FLRT1: variants seen among roughly 807,000 people sequenced by gnomAD.
The protein encoded by FLRT1 is fibronectin leucine rich transmembrane protein 1.
FLRT1 carries 14 observed loss-of-function variants against 30.9 expected under a neutral mutation model. That is an observed-to-expected ratio of 0.45 (90% confidence interval 0.30 to 0.71). The LOEUF (loss-of-function observed/expected upper bound fraction) is 0.71. FLRT1 is among the 30% of genes least tolerant of loss of function. The pLI is 0.08. For missense variants in FLRT1, 737 were observed against 949.2 expected, an observed-to-expected ratio of 0.78 and a Z score of 2.94; for synonymous variants, 368 against 430.4, an observed-to-expected ratio of 0.85 and a Z score of 1.80.
Position 64,083,962 on chromosome 11 carries a change from A to G in FLRT1, c.-1037-19232A>G, listed in dbSNP as rs541102465. ...GGCAGCCCGGCGCTGCTGTGGGCTGACATGAAGAGTGTCATTTACACAACT... is the reference window on the plus strand; with the variant it reads ...GGCAGCCCGGCGCTGCTGTGGGCTGGCATGAAGAGTGTCATTTACACAACT... On this transcript the variant is annotated intron_variant, in intron 1 of 2. Transcript: ENST00000682287. Among the ~76,000 whole-genome samples, 34 of 152,216 alleles carry G rather than the reference A, an allele frequency of 2.2e-4. No individual in the cohort carries two copies. The East Asian group carries it at 6.6e-3, about 29-fold the overall frequency.
chr11:64,095,893 G>A (rs1944567384), intron 1 of FLRT1, among the ~76,000 whole-genome samples: 1 of 152,200 alleles, frequency 6.6e-6, no homozygotes. Flanking sequence ...AGCCGAGGGA[G>A]GGAGCTGACT....
chr11:64,040,700 G>A (rs1943468099), intron 1 of FLRT1, among the ~76,000 whole-genome samples: 1 of 152,218 alleles, frequency 6.6e-6, no homozygotes, highest in African/African-American at 2.4e-5. Flanking sequence ...TGGACCGAGA[G>A]CTATTAGTGA....
In FLRT1 at chr11:64,101,860, C is replaced by T. The variant is rs904575128; in HGVS notation, c.-1037-1334C>T. ...CTCTGAAACCTCCTTCTTCCTAGGG[C>T]AGCTTGTCCCAAGAAAACTCCCCCT... On this transcript the variant is annotated intron_variant, in intron 1 of 2. Coordinates refer to ENST00000682287, the MANE Select transcript of FLRT1 (RefSeq NM_013280.5). Among the ~76,000 whole-genome samples the T allele has an allele frequency of 8.5e-5, 13 of 152,188 alleles. No homozygotes were observed. In the East Asian group the frequency reaches 2.1e-3, roughly 25 times the overall value.
chr11:64,117,710 G>T lies in FLRT1; in HGVS notation c.1443G>T (p.Thr481=). Residue 481 remains threonine (T), a synonymous_variant, in exon 3 of 3, where the codon ACG becomes ACT. Transcript: ENST00000682287. ...ACAGCCCAGCCGTGGGCTCCATCAC[G>T]GAGACCTTGGTGCAGGGGGACAAGA... ...LGHSPAVGSI[T]ETLVQGDKTE... is the part of the protein sequence containing the mutation. The T allele has an allele frequency of 6.2e-7, 1 of 1,613,638 alleles. No individual in the cohort carries two copies. The highest frequency in any genetic ancestry group is 8.5e-7 in the Non-Finnish European group (1 of 1,179,914).
chr11:64,116,313 G>T lies in FLRT1; in HGVS notation c.46G>T (p.Ala16Ser). Residue 16 changes from alanine (A) to serine (S), a missense_variant, in exon 3 of 3, where the codon GCC (alanine) becomes TCC (serine). Transcript: ENST00000682287. ...CGCCACTGCCACCACCACGCCCACT[G>T]CCACTGTCACGGCCACCGTTGTGAT... Reference protein sequence around the residue: ...PTATATTTPTATVTATVVMTT... With the variant: ...PTATATTTPTSTVTATVVMTT... The T allele has an allele frequency of 6.2e-7, 1 of 1,608,414 alleles. No homozygotes were observed.
In FLRT1 at chr11:64,118,927, T is replaced by C. The variant is rs1305700815; in HGVS notation, c.*635T>C. 2 of 155,182 alleles carry C rather than the reference T, an allele frequency of 1.3e-5. No individual in the cohort carries two copies. Among genetic ancestry groups the C allele is most frequent in the Admixed American group, 6.8e-5 (1 of 14,616 alleles). 9.6% of individuals were successfully genotyped at this position (155,182 alleles called of 1,614,324 possible). A position where few individuals can be genotyped will look rare whatever the true frequency, so the allele number is the denominator to read the frequency against. ...TTCTTTGAACAATCATGTAGTCGAT[T>C]AAAAAAAAAAAACAAACTTTTTTTT... On this transcript the variant is annotated 3_prime_UTR_variant, in exon 3 of 3. Transcript: ENST00000682287.
intron 1 of FLRT1, among the ~76,000 whole-genome samples, chr11:64,102,250 C>G (rs1024155569): frequency 6.6e-6 from 1 of 152,164 alleles, no homozygotes; most frequent in East Asian, 1.9e-4. Flanking sequence ...TTCCACATGC[C>G]GCACTAATGA....
At chr11:64,110,783 G>C (rs996017947) in intron 2 of FLRT1, among the ~76,000 whole-genome samples, 3 of 152,186 alleles carry the variant, frequency 2.0e-5, no homozygotes, top group Non-Finnish European at 2.9e-5. Flanking sequence ...CGATTTACCA[G>C]GTTTAATTTG....
rs555040498 is a variant in FLRT1, at chr11:64,045,094, C to T, written c.-1038+8935C>T. On this transcript the variant is annotated intron_variant, in intron 1 of 2. Transcript: ENST00000682287. Reference sequence around the variant, plus strand: ...CTGTGCGGGCTGAGGGGGAGCAGTCCGGGTGCATGTGGTGGGTGGCATGTG... The same window carrying T: ...CTGTGCGGGCTGAGGGGGAGCAGTCTGGGTGCATGTGGTGGGTGGCATGTG... 1.2e-4 allele frequency among the ~76,000 whole-genome samples: 19 copies of T among 152,278 alleles called. No homozygotes were observed. The South Asian group carries it at 3.3e-3, about 27-fold the overall frequency.
chr11:64,042,947 G>A (rs970668372), intron 1 of FLRT1, among the ~76,000 whole-genome samples: 1 of 152,226 alleles, frequency 6.6e-6, no homozygotes, highest in African/African-American at 2.4e-5. Context: ...GAGGCACAGA[G>A]TGGAGACACG....
intron 1 of FLRT1, among the ~76,000 whole-genome samples, chr11:64,060,965 G>C (rs1251085591): frequency 3.9e-5 from 6 of 151,940 alleles, no homozygotes; most frequent in African/African-American, 1.2e-4. Flanking sequence ...GGGGCTCCCG[G>C]GCCGCCAGGC....
chr11:64,046,132 AG>A (rs1489740974), intron 1 of FLRT1, among the ~76,000 whole-genome samples: 1 of 152,196 alleles, frequency 6.6e-6, no homozygotes, highest in Non-Finnish European at 1.5e-5. Flanking sequence ...CGGCAGGGGT[AG>A]GATGGGAACC....
chr11:64,095,685 G>A (rs1944563014), intron 1 of FLRT1, among the ~76,000 whole-genome samples: 1 of 152,258 alleles, frequency 6.6e-6, no homozygotes, highest in African/African-American at 2.4e-5. Flanking sequence ...CCAGCTCACA[G>A]CGGAGGTCTG....
At chr11:64,046,135 A>G (rs938009777) in intron 1 of FLRT1, among the ~76,000 whole-genome samples, 1 of 152,136 alleles carries the variant, frequency 6.6e-6, no homozygotes, top group Non-Finnish European at 1.5e-5. Context: ...CAGGGGTAGG[A>G]TGGGAACCCG....
intron 1 of FLRT1, among the ~76,000 whole-genome samples, chr11:64,052,121 G>A (rs1206071644): frequency 4.6e-5 from 7 of 152,038 alleles, no homozygotes; most frequent in African/African-American, 1.7e-4. Flanking sequence ...CCTCCTCCCT[G>A]TAGTGAGAAA....
At chr11:64,080,815 T>C (rs907916443) in intron 1 of FLRT1, among the ~76,000 whole-genome samples, 3 of 152,050 alleles carry the variant, frequency 2.0e-5, no homozygotes, top group Non-Finnish European at 2.9e-5. Flanking sequence ...GGCTCAGTGA[T>C]GGGAGAACTC....
intron 1 of FLRT1, among the ~76,000 whole-genome samples, chr11:64,040,199 G>A (rs540801987): frequency 2.6e-5 from 4 of 152,200 alleles, no homozygotes; most frequent in East Asian, 3.9e-4. Context: ...CCTCTTCCCC[G>A]TGAAGCCTTG....
chr11:64,094,010 G>A (rs958921258), intron 1 of FLRT1, among the ~76,000 whole-genome samples: 1 of 152,226 alleles, frequency 6.6e-6, no homozygotes, highest in African/African-American at 2.4e-5. Context: ...AGCTAAGCAG[G>A]CCAGGGCCGG....
In FLRT1 at chr11:64,094,884, C is replaced by T. The variant is rs566861287; in HGVS notation, c.-1037-8310C>T. ...TTGGGGGGCCCAGGAGTGGATTTCG[C>T]CGAATGTCCCATCTGGGCCTGTGTC... On this transcript the variant is annotated intron_variant, in intron 1 of 2. Coordinates refer to ENST00000682287, the MANE Select transcript of FLRT1 (RefSeq NM_013280.5). Among the ~76,000 whole-genome samples the T allele has an allele frequency of 1.4e-4, 21 of 152,324 alleles. No homozygotes were observed. In the South Asian group the frequency reaches 4.1e-3, roughly 30 times the overall value.
Sources: gnomAD v4.1 joint callset for allele counts (sites outside exome capture counted in the v4.1 genomes callset) on GRCh38, gnomAD v4.1.1 for gene constraint, MANE v1.5 for transcripts, NCBI Gene and HGNC (gene_info 2026-07-23, HGNC 2026-07-21) for gene names.